MBNL2: variants seen among roughly 807,000 people sequenced by gnomAD.
MBNL2 encodes the protein muscleblind like splicing regulator 2, also known as muscleblind-like protein 2.
Under a neutral mutation model 41.9 loss-of-function variants are expected in MBNL2, and 17 were observed. That is an observed-to-expected ratio of 0.41 (90% CI 0.28 to 0.61). The LOEUF is 0.61. MBNL2 is among the 20% of genes least tolerant of loss of function. The pLI is 0.35. For synonymous variants in MBNL2, 195 were observed against 182.9 expected, an observed-to-expected ratio of 1.07 and a Z score of -0.53; for missense variants, 336 against 505.6, an observed-to-expected ratio of 0.66 and a Z score of 3.22.
At chr13:97,322,742 A>G (rs893748881) in intron 2 of MBNL2, among the ~76,000 whole-genome samples, 14 of 152,022 alleles carry the variant, frequency 9.2e-5, no homozygotes, top group African/African-American at 2.7e-4. Flanking sequence ...CTGTCTCCAT[A>G]GGCACACAAC....
At chr13:97,195,659 A>T in the MBNL2 span, among the ~76,000 whole-genome samples, 2 of 152,200 alleles carry the variant, frequency 1.3e-5, no homozygotes, top group Non-Finnish European at 2.9e-5. Context: ...TGGTACTAAA[A>T]TTATACATAA....
intron 4 of MBNL2, among the ~76,000 whole-genome samples, chr13:97,343,690 A>G (rs2061604675): frequency 6.6e-6 from 1 of 152,226 alleles, no homozygotes; most frequent in Non-Finnish European, 1.5e-5. Context: ...TGGTATGATC[A>G]TATTTCAATG....
At chr13:97,158,909 G>A in the MBNL2 span, among the ~76,000 whole-genome samples, 1 of 151,228 alleles carries the variant, frequency 6.6e-6, no homozygotes, top group African/African-American at 2.4e-5. Context: ...ATGTCTATTA[G>A]GTCCACTTGG....
At chr13:97,188,631 C>A in the MBNL2 span, among the ~76,000 whole-genome samples, 1 of 135,192 alleles carries the variant, frequency 7.4e-6, no homozygotes, top group Non-Finnish European at 1.6e-5. Context: ...CGTGAAAACC[C>A]AGCCAAAAGA....
At chr13:97,332,850 C>G (rs1335856650) in intron 2 of MBNL2, among the ~76,000 whole-genome samples, 1 of 152,172 alleles carries the variant, frequency 6.6e-6, no homozygotes, top group Non-Finnish European at 1.5e-5. Context: ...TGGCACCTGC[C>G]TGGTTATCCT....
At chr13:97,168,112 T>C in the MBNL2 span, among the ~76,000 whole-genome samples, 2 of 152,066 alleles carry the variant, frequency 1.3e-5, no homozygotes, top group Non-Finnish European at 2.9e-5. Context: ...ATTACAGGCA[T>C]GTGCCACCAT....
intron 8 of MBNL2, among the ~76,000 whole-genome samples, chr13:97,376,281 G>A (rs190024854): frequency 6.6e-6 from 1 of 152,290 alleles, no homozygotes; most frequent in Middle Eastern, 3.4e-3. Context: ...TGTGGTGTCT[G>A]TGGATTTCAC....
upstream of MBNL2, among the ~76,000 whole-genome samples, chr13:97,218,677 A>G (rs1459395826): frequency 1.3e-5 from 2 of 152,026 alleles, no homozygotes; most frequent in African/African-American, 4.8e-5. Flanking sequence ...ACCTCAGGAA[A>G]AATTAAGCTT....
At chr13:97,282,725 T>A (rs781484852) in intron 2 of MBNL2, among the ~76,000 whole-genome samples, 2 of 152,272 alleles carry the variant, frequency 1.3e-5, no homozygotes, top group African/African-American at 4.8e-5. Context: ...TCAGCTGTTC[T>A]GGGTATATCA....
At chr13:97,328,143 T>TA (rs2060062989) in intron 2 of MBNL2, among the ~76,000 whole-genome samples, 1 of 151,238 alleles carries the variant, frequency 6.6e-6, no homozygotes, top group Admixed American at 6.6e-5. Flanking sequence ...TAAATCCAAT[T>TA]AGTCCAGTTC....
the MBNL2 span, among the ~76,000 whole-genome samples, chr13:97,214,447 C>G: frequency 6.6e-6 from 1 of 152,076 alleles, no homozygotes; most frequent in East Asian, 1.9e-4. Context: ...TACTGGACAA[C>G]CAGTAATGAG....
At chr13:97,277,314 T>C (rs1406759870) in intron 2 of MBNL2, among the ~76,000 whole-genome samples, 1 of 152,164 alleles carries the variant, frequency 6.6e-6, no homozygotes, top group Non-Finnish European at 1.5e-5. Flanking sequence ...CATAATAATA[T>C]TGTTTTCAGG....
At chr13:97,388,559 T>C (rs1428123619) in intron 8 of MBNL2, among the ~76,000 whole-genome samples, 2 of 152,108 alleles carry the variant, frequency 1.3e-5, no homozygotes, top group Non-Finnish European at 2.9e-5. Flanking sequence ...GGCTTTCCAC[T>C]TTCCTCCTGT....
the MBNL2 span, among the ~76,000 whole-genome samples, chr13:97,203,889 GA>G: frequency 6.6e-6 from 1 of 151,828 alleles, no homozygotes; most frequent in Non-Finnish European, 1.5e-5. Flanking sequence ...TGGATGGATG[GA>G]TGGATGGATG....
intron 1 of MBNL2, among the ~76,000 whole-genome samples, chr13:97,241,418 C>T (rs2044257221): frequency 6.6e-6 from 1 of 152,128 alleles, no homozygotes; most frequent in Non-Finnish European, 1.5e-5. Flanking sequence ...GGAGGGAGTG[C>T]AAAGAAAAAT....
At chr13:97,279,496 A>G (rs2052904604) in intron 2 of MBNL2, among the ~76,000 whole-genome samples, 1 of 152,250 alleles carries the variant, frequency 6.6e-6, no homozygotes, top group African/African-American at 2.4e-5. Flanking sequence ...TTGATGACCA[A>G]CTTTAAAGGC....
chr13:97,379,769 C>T (rs977253560), intron 8 of MBNL2, among the ~76,000 whole-genome samples: 11 of 151,702 alleles, frequency 7.3e-5, no homozygotes, highest in Admixed American at 2.0e-4. Context: ...TATTCTCTAA[C>T]GGGGGCAGGT....
upstream of MBNL2, among the ~76,000 whole-genome samples, chr13:97,220,416 G>A (rs560270963): frequency 6.6e-6 from 1 of 152,228 alleles, no homozygotes; most frequent in Admixed American, 6.5e-5. Flanking sequence ...ACAGAATAAA[G>A]GGAAAGGTAA....
intron 2 of MBNL2, among the ~76,000 whole-genome samples, chr13:97,315,598 A>G (rs1254450108): frequency 6.6e-6 from 1 of 152,228 alleles, no homozygotes; most frequent in East Asian, 1.9e-4. Context: ...AAGTGGTCAG[A>G]GAGTCATTCA....
Sources: gnomAD v4.1 joint callset for allele counts (sites outside exome capture counted in the v4.1 genomes callset) on GRCh38, gnomAD v4.1.1 for gene constraint, MANE v1.5 for transcripts, NCBI Gene and HGNC (gene_info 2026-07-23, HGNC 2026-07-21) for gene names.